Variants in HIKESHI observed in about 807,000 individuals in gnomAD.
The protein encoded by HIKESHI is heat shock protein nuclear import factor hikeshi, also known as protein Hikeshi.
Under a neutral mutation model 25.7 loss-of-function variants are expected in HIKESHI, and 13 were observed. The observed-to-expected ratio is 0.51, with a 90% CI of 0.33 to 0.80. HIKESHI has a LOEUF of 0.80. Ranked by LOEUF, HIKESHI falls within the 30% of genes least tolerant of loss-of-function variation. The pLI, the probability that HIKESHI is intolerant of heterozygous loss-of-function variation, is 0.02. For synonymous variants in HIKESHI, 76 were observed against 78.7 expected, an observed-to-expected ratio of 0.97 and a Z score of 0.18; for missense variants, 174 against 229.5, an observed-to-expected ratio of 0.76 and a Z score of 1.56.
chr11:86,344,808 T>A, intron 4 of HIKESHI, 87 bp downstream of exon 4: 1 of 932,658 alleles, frequency 1.1e-6, no homozygotes, highest in Non-Finnish European at 1.7e-6. Flanking sequence ...TTTTGACATT[T>A]AAACATATTC....
intron 2 of HIKESHI, among the ~76,000 whole-genome samples, chr11:86,328,514 T>C (rs1039310586): frequency 1.3e-5 from 2 of 151,552 alleles, no homozygotes; most frequent in African/African-American, 4.8e-5. Context: ...TGGAGTTGTA[T>C]GCTCACTGCA....
At chr11:86,312,342 G>T (rs1203291561) in intron 2 of HIKESHI, among the ~76,000 whole-genome samples, 1 of 152,034 alleles carries the variant, frequency 6.6e-6, no homozygotes, top group Non-Finnish European at 1.5e-5. Context: ...TTTGATCTTT[G>T]TTGGTTTAAA....
chr11:86,302,246 T>G lies in HIKESHI; in HGVS notation c.-203T>G, dbSNP rs971557486. On this transcript the variant is annotated 5_prime_UTR_variant, in exon 1 of 5. Coordinates refer to ENST00000278483, the MANE Select transcript of HIKESHI (RefSeq NM_016401.4). Reference sequence around the variant, plus strand: ...GTAAGCCCCGGAAGTACTTGTTGCCTGAGCAGTGGGCTGCTTAGGAAGAGA... The same window carrying G: ...GTAAGCCCCGGAAGTACTTGTTGCCGGAGCAGTGGGCTGCTTAGGAAGAGA... 2.8e-5 allele frequency: 17 copies of G among 604,132 alleles called. No homozygotes were observed. Among genetic ancestry groups the G allele is most frequent in the South Asian group, 9.3e-5 (5 of 54,046 alleles). 37.4% of individuals were successfully genotyped at this position (604,132 alleles called of 1,614,324 possible).
intron 2 of HIKESHI, among the ~76,000 whole-genome samples, chr11:86,307,954 TATATTATATAA>T (rs1946701767): frequency 2.7e-4 from 16 of 58,582 alleles, no homozygotes; most frequent in South Asian, 1.2e-3. Flanking sequence ...ATGTGTAATA[TATATTATATAA>T]AATATATATG....
chr11:86,331,499 G>T (rs1477017456), intron 2 of HIKESHI, among the ~76,000 whole-genome samples: 2 of 152,024 alleles, frequency 1.3e-5, no homozygotes. Context: ...AAAAAGAAAA[G>T]AAATTACCCA....
chr11:86,309,317 C>T (rs564166953), intron 2 of HIKESHI, among the ~76,000 whole-genome samples: 1 of 152,162 alleles, frequency 6.6e-6, no homozygotes, highest in Non-Finnish European at 1.5e-5. Context: ...CTCTGATGAC[C>T]AGTGATAATG....
In HIKESHI at chr11:86,328,439, T is replaced by G. The variant is rs568727543; in HGVS notation, c.269-8940T>G. On this transcript the variant is annotated intron_variant, in intron 2 of 4. Transcript: ENST00000278483. ...ATGCGCAGCTAATGTTTTTTGTTTT[T>G]TTTTTTTTTTGAGACGGAGTCTGGC... Among the ~76,000 whole-genome samples, 41 of 151,220 alleles carry G rather than the reference T, an allele frequency of 2.7e-4. 1 individual carries two copies. In the South Asian group the frequency reaches 6.9e-3, roughly 25 times the overall value.
At chr11:86,308,773 A>G (rs933966393) in intron 2 of HIKESHI, among the ~76,000 whole-genome samples, 10 of 151,744 alleles carry the variant, frequency 6.6e-5, no homozygotes, top group East Asian at 1.9e-4. Context: ...CCTGTGTCCA[A>G]GTGTTCTCAT....
At chr11:86,311,896 C>T (rs1946844825) in intron 2 of HIKESHI, among the ~76,000 whole-genome samples, 1 of 152,264 alleles carries the variant, frequency 6.6e-6, no homozygotes, top group Non-Finnish European at 1.5e-5. Context: ...ATCCTGAGTT[C>T]TAGTTTGAAT....
rs111497820 is a variant in HIKESHI, at chr11:86,345,281, T to C, written c.540-303T>C. ...CATCTGTGGAATGAGGAAATAGGAG[T>C]TGAATTTGATTTTTTTCCTTAGGTC... On this transcript the variant is annotated intron_variant, in intron 4 of 4. Coordinates refer to ENST00000278483, the MANE Select transcript of HIKESHI (RefSeq NM_016401.4). 10 of 385,188 alleles carry C rather than the reference T, an allele frequency of 2.6e-5. 1 individual carries two copies. Among genetic ancestry groups the C allele is most frequent in the African/African-American group, 1.3e-4 (6 of 46,486 alleles). The allele number at this position is 385,188 out of a possible 1,614,324, so 23.9% of individuals were successfully genotyped here. A position where few individuals can be genotyped will look rare whatever the true frequency, so the allele number is the denominator to read the frequency against.
intron 2 of HIKESHI, among the ~76,000 whole-genome samples, chr11:86,333,280 A>G (rs1947467749): frequency 6.6e-6 from 1 of 152,158 alleles, no homozygotes. Flanking sequence ...TCATGTCTGT[A>G]ATCCCAGCAC....
At chr11:86,302,502 C>A in intron 1 of HIKESHI, 24 bp downstream of exon 1, 4 of 1,556,236 alleles carry the variant, frequency 2.6e-6, no homozygotes, top group Non-Finnish European at 3.5e-6. Flanking sequence ...CGGGTGATAT[C>A]AGGAAGGGGT....
chr11:86,308,559 T>TTTTTTTTATTTATTTA (rs1555183542), intron 2 of HIKESHI, among the ~76,000 whole-genome samples: 1 of 142,534 alleles, frequency 7.0e-6, no homozygotes, highest in Non-Finnish European at 1.5e-5. Context: ...CCATAATTCT[T>TTTTTTTTATTTATTTA]TTTATTTATT....
rs1288601435 is a variant in HIKESHI at position 86,344,918 on chromosome 11, A to G, written c.539+197A>G. Reference sequence around the variant, plus strand: ...CTAAATATTTTGTTATATTGTCGCCATTATGAATTTATAAAGACAGGAAAA... The same window carrying G: ...CTAAATATTTTGTTATATTGTCGCCGTTATGAATTTATAAAGACAGGAAAA... On this transcript the variant is annotated intron_variant, in intron 4 of 4. Coordinates refer to ENST00000278483, the MANE Select transcript of HIKESHI (RefSeq NM_016401.4). 5 of 534,244 alleles carry G rather than the reference A, an allele frequency of 9.4e-6. No homozygotes were observed. In the East Asian group the frequency reaches 1.5e-4, roughly 16 times the overall value. The allele number at this position is 534,244 out of a possible 1,614,324, so 33.1% of individuals were successfully genotyped here.
chr11:86,342,344 T>C (rs1947753502), intron 3 of HIKESHI, among the ~76,000 whole-genome samples: 2 of 152,216 alleles, frequency 1.3e-5, no homozygotes, highest in South Asian at 2.1e-4. Flanking sequence ...TTGCTTATAG[T>C]GACTTTTACA....
intron 2 of HIKESHI, among the ~76,000 whole-genome samples, chr11:86,309,341 G>T (rs1008206414): frequency 6.6e-6 from 1 of 152,208 alleles, no homozygotes; most frequent in East Asian, 1.9e-4. Flanking sequence ...ATTTTTTCAC[G>T]TGTCTGTTGG....
At chr11:86,334,659 AG>A (rs1406994847) in intron 2 of HIKESHI, among the ~76,000 whole-genome samples, 1 of 152,162 alleles carries the variant, frequency 6.6e-6, no homozygotes, top group Admixed American at 6.5e-5. Context: ...CGGTAGAGTA[AG>A]GAGCTCCAGA....
chr11:86,340,682 G>T (rs182122755), intron 3 of HIKESHI, among the ~76,000 whole-genome samples: 1 of 152,160 alleles, frequency 6.6e-6, no homozygotes, highest in Non-Finnish European at 1.5e-5. Flanking sequence ...GTCTCACTCT[G>T]TTGCCCAGGC....
chr11:86,311,392 G>T (rs291205), intron 2 of HIKESHI, among the ~76,000 whole-genome samples: 92,892 of 151,896 alleles, frequency 0.61, 28,604 homozygotes, highest in East Asian at 0.79. Context: ...TATTTCTGTG[G>T]GATCGGTGGT....
Sources: gnomAD v4.1 joint callset for allele counts (sites outside exome capture counted in the v4.1 genomes callset) on GRCh38, gnomAD v4.1.1 for gene constraint, MANE v1.5 for transcripts, NCBI Gene and HGNC (gene_info 2026-07-23, HGNC 2026-07-21) for gene names.